STX18: variants seen among roughly 807,000 people sequenced by gnomAD.
STX18 encodes syntaxin-18.
In STX18, 40 loss-of-function variants were observed where a neutral mutation model predicts 50.1. That is an observed-to-expected ratio of 0.80 (90% confidence interval 0.62 to 1.04). STX18 has a LOEUF of 1.04. Among genes scored for constraint, STX18 ranks in the 50% least tolerant of loss-of-function variants. The probability of loss-of-function intolerance (pLI) is 0.00; values close to 1 mark genes in which losing one functional copy is unlikely to be tolerated. For synonymous variants in STX18, 158 were observed against 151.8 expected (o/e 1.04, Z -0.30); for missense variants, 410 against 415.8 (o/e 0.99, Z 0.12).
chr4:4,439,951 GTTTA>G (rs1431221612), intron 5 of STX18, among the ~76,000 whole-genome samples: 2 of 152,140 alleles, frequency 1.3e-5, no homozygotes, highest in African/African-American at 4.8e-5. Flanking sequence ...TAATCCCCCT[GTTTA>G]TTTATCTGTT....
At chr4:4,443,973 C>T (rs958165426) in intron 5 of STX18, among the ~76,000 whole-genome samples, 1 of 152,128 alleles carries the variant, frequency 6.6e-6, no homozygotes, top group African/African-American at 2.4e-5. Context: ...GGGAGATAAC[C>T]TCTAAGCTCC....
At chr4:4,529,377 C>T (rs532717716) in intron 1 of STX18, among the ~76,000 whole-genome samples, 47 of 152,136 alleles carry the variant, frequency 3.1e-4, no homozygotes, top group Non-Finnish European at 5.4e-4. Context: ...AAAAGAAATG[C>T]ACGGTCACAA....
chr4:4,533,430 ATATATTTC>A (rs962305825), intron 1 of STX18, among the ~76,000 whole-genome samples: 180 of 152,326 alleles, frequency 1.2e-3, no homozygotes, highest in African/African-American at 4.3e-3. Context: ...TCACTCAATA[ATATATTTC>A]TATCCCCTGA....
intron 1 of STX18, among the ~76,000 whole-genome samples, chr4:4,476,888 CATA>C (rs1267375078): frequency 6.6e-6 from 1 of 151,908 alleles, no homozygotes; most frequent in Non-Finnish European, 1.5e-5. Flanking sequence ...TGAAATTTTC[CATA>C]ATAACATGTT....
intron 1 of STX18, among the ~76,000 whole-genome samples, chr4:4,495,559 TTTTC>T (rs1418874252): frequency 1.5e-5 from 2 of 133,812 alleles, no homozygotes; most frequent in Non-Finnish European, 3.2e-5. Context: ...ATTTTTTTTC[TTTTC>T]TTTTTTTTTT....
In STX18 at chr4:4,522,527, C is replaced by A. The variant is rs147822930; in HGVS notation, c.168+19270G>T. On this transcript the variant is annotated intron_variant, in intron 1 of 10. Coordinates refer to ENST00000306200, the MANE Select transcript of STX18 (RefSeq NM_016930.4). The stretch of plus-strand genomic sequence containing the variant: ...GGAGGAGTTGAGAATATTGCCAATT[C>A]CTTTAGATGCATGAGAAAACTAGCC... 6.0e-4 allele frequency among the ~76,000 whole-genome samples: 91 copies of A among 152,256 alleles called. 1 individual carries two copies. The highest frequency in any genetic ancestry group is 1.7e-3 in the African/African-American group (71 of 41,548).
At position 4,420,746 on chromosome 4, in the gene STX18, C is replaced by T; in HGVS notation, c.912+118G>A. 1 of 892,826 alleles carries T rather than the reference C, an allele frequency of 1.1e-6. No individual in the cohort carries two copies. The highest frequency in any genetic ancestry group is 1.8e-6 in the Non-Finnish European group (1 of 555,534). 55.3% of individuals were successfully genotyped at this position (892,826 alleles called of 1,614,324 possible). A position where few individuals can be genotyped will look rare whatever the true frequency, so the allele number is the denominator to read the frequency against. Reference sequence around the variant, plus strand: ...CTCCGCGGTCACACAATTTTGTGATCAGCCCCGTGAGCTCTGCCCAGCAAG... The same window carrying T: ...CTCCGCGGTCACACAATTTTGTGATTAGCCCCGTGAGCTCTGCCCAGCAAG... On this transcript the variant is annotated intron_variant, in intron 10 of 10. Transcript: ENST00000306200. The surrounding 1 kb of genome is among the most constrained non-coding windows in gnomAD (Gnocchi z 4.3).
Sources: gnomAD v4.1 joint callset for allele counts (sites outside exome capture counted in the v4.1 genomes callset) on GRCh38, gnomAD v4.1.1 for gene constraint, Gnocchi (gnomAD v3.1) non-coding constraint, MANE v1.5 for transcripts, NCBI Gene and HGNC (gene_info 2026-07-23, HGNC 2026-07-21) for gene names.